The following SPAG16 variants were observed in gnomAD, a reference collection of about 807,000 sequenced individuals.
SPAG16 encodes the protein sperm associated antigen 16.
A neutral mutation model predicts 80.4 loss-of-function variants in SPAG16; 86 were observed. The observed-to-expected ratio is 1.07, with a 90% CI of 0.90 to 1.28. SPAG16 has a LOEUF of 1.28. Ranked by LOEUF, SPAG16 falls within the 50% of genes most tolerant of loss-of-function variation. The pLI is 0.00. For synonymous variants in SPAG16, 294 were observed against 265.9 expected (o/e 1.11, Z -1.03); for missense variants, 870 against 765.3 (o/e 1.14, Z -1.61).
intron 10 of SPAG16, among the ~76,000 whole-genome samples, chr2:213,637,913 C>A (rs981462948): frequency 1.3e-5 from 2 of 152,064 alleles, no homozygotes; most frequent in Admixed American, 6.6e-5. Context: ...CCTGCCACCA[C>A]GCCCAGCTAA....
At chr2:214,148,942 C>A (rs1305625829) in intron 14 of SPAG16, among the ~76,000 whole-genome samples, 198 bp from the exon 15 acceptor site, 1 of 151,468 alleles carries the variant, frequency 6.6e-6, no homozygotes, top group Admixed American at 6.6e-5. Flanking sequence ...AAGTTATTAA[C>A]AACTATTTCT....
Position 214,044,412 on chromosome 2 carries a change from AC to A in SPAG16, c.1527+30339del, listed in dbSNP as rs534725202. Reference sequence around the variant, plus strand: ...ATAGACACTCTCTGAAGTCACGTCCACCCCTGGACAACTTGATAGATGGCTT... The same window carrying A: ...ATAGACACTCTCTGAAGTCACGTCCACCCTGGACAACTTGATAGATGGCTT... On this transcript the variant is annotated intron_variant, in intron 13 of 15. Transcript: ENST00000331683. Among the ~76,000 whole-genome samples the A allele has an allele frequency of 5.3e-5, 8 of 152,266 alleles. No individual in the cohort carries two copies. In the East Asian group the frequency reaches 1.5e-3, roughly 29 times the overall value.
chr2:213,510,275 G>A (rs1199647899), intron 10 of SPAG16, among the ~76,000 whole-genome samples: 1 of 152,116 alleles, frequency 6.6e-6, no homozygotes, highest in African/African-American at 2.4e-5. Context: ...CTCAACCATA[G>A]CAAAAGGACA....
intron 12 of SPAG16, among the ~76,000 whole-genome samples, chr2:214,003,558 T>C (rs1397866348): frequency 1.3e-5 from 2 of 152,174 alleles, no homozygotes; most frequent in Admixed American, 6.5e-5. Context: ...ATTGGGGAAA[T>C]TATAAGTGTT....
At chr2:213,706,799 G>C (rs201170867) in intron 10 of SPAG16, among the ~76,000 whole-genome samples, 1 of 152,152 alleles carries the variant, frequency 6.6e-6, no homozygotes, top group Non-Finnish European at 1.5e-5. Context: ...GTTATGGCTT[G>C]AAGTTTCATG....
intron 12 of SPAG16, among the ~76,000 whole-genome samples, chr2:213,990,178 T>C (rs2046207579): frequency 6.6e-6 from 1 of 152,110 alleles, no homozygotes; most frequent in Non-Finnish European, 1.5e-5. Flanking sequence ...AAATGGCAGA[T>C]TATATAAAAA....
At chr2:214,305,619 T>C (rs1694857829) in intron 15 of SPAG16, among the ~76,000 whole-genome samples, 1 of 152,234 alleles carries the variant, frequency 6.6e-6, no homozygotes. Flanking sequence ...GCACCATTTA[T>C]TGAATAGGAA....
intron 9 of SPAG16, among the ~76,000 whole-genome samples, chr2:213,468,762 A>G (rs867310720): frequency 6.6e-6 from 1 of 150,424 alleles, no homozygotes; most frequent in African/African-American, 2.4e-5. Flanking sequence ...ATATATATAT[A>G]TGGGAATTTA....
chr2:213,584,352 A>C (rs917183859), intron 10 of SPAG16, among the ~76,000 whole-genome samples: 2 of 152,138 alleles, frequency 1.3e-5, no homozygotes, highest in Non-Finnish European at 2.9e-5. Flanking sequence ...CTGCAGTGGA[A>C]ATATATGATG....
At chr2:214,283,571 G>C (rs1040810292) in intron 15 of SPAG16, among the ~76,000 whole-genome samples, 1 of 151,988 alleles carries the variant, frequency 6.6e-6, no homozygotes, top group African/African-American at 2.4e-5. Context: ...GAAACACTCT[G>C]GAGATAATAC....
intron 15 of SPAG16, among the ~76,000 whole-genome samples, chr2:214,396,426 A>G (rs975982252): frequency 1.3e-5 from 2 of 152,146 alleles, no homozygotes; most frequent in Non-Finnish European, 2.9e-5. Flanking sequence ...TTTGAGTTCT[A>G]TGTATAAGAA....
At chr2:213,951,646 A>T (rs2079785681) in intron 12 of SPAG16, among the ~76,000 whole-genome samples, 1 of 152,204 alleles carries the variant, frequency 6.6e-6, no homozygotes, top group Admixed American at 6.6e-5. Flanking sequence ...GTTTACAAGG[A>T]TAAACAAAAT....
chr2:214,174,670 T>C (rs72941980), intron 15 of SPAG16, among the ~76,000 whole-genome samples: 10,925 of 151,730 alleles, frequency 0.072, 738 homozygotes, highest in East Asian at 0.24. Context: ...ATCAATCCAA[T>C]GTGAGAAGGA....
rs182570342 is a variant in SPAG16 at position 213,945,328 on chromosome 2, T to C, written c.1400+15183T>C. Among the ~76,000 whole-genome samples the C allele has an allele frequency of 2.0e-5, 3 of 146,574 alleles. No individual in the cohort carries two copies. In the East Asian group the frequency reaches 6.0e-4, roughly 29 times the overall value. ...AAGTATATATATGTGTGTGTTTGTG[T>C]ATATATAGTATATATATATGTGGGA... On this transcript the variant is annotated intron_variant, in intron 12 of 15. Transcript: ENST00000331683.
intron 14 of SPAG16, among the ~76,000 whole-genome samples, chr2:214,140,979 T>G (rs988496118): frequency 1.3e-4 from 19 of 146,614 alleles, no homozygotes; most frequent in East Asian, 2.1e-4. Context: ...GAGAGAGAGA[T>G]ATATATTTCT....
At chr2:214,228,740 T>C (rs1316431018) in intron 15 of SPAG16, among the ~76,000 whole-genome samples, 2 of 151,900 alleles carry the variant, frequency 1.3e-5, no homozygotes, top group African/African-American at 4.8e-5. Context: ...CCTATTGAGC[T>C]TTTATCTCTT....
At chr2:214,380,496 A>G (rs1339694574) in intron 15 of SPAG16, among the ~76,000 whole-genome samples, 1 of 152,220 alleles carries the variant, frequency 6.6e-6, no homozygotes, top group African/African-American at 2.4e-5. Flanking sequence ...GAGCAACAGA[A>G]TGGGACCCAA....
At chr2:213,661,047 C>G (rs1021898273) in intron 10 of SPAG16, among the ~76,000 whole-genome samples, 11 of 152,164 alleles carry the variant, frequency 7.2e-5, no homozygotes, top group African/African-American at 2.7e-4. Context: ...CCCCCACTGC[C>G]TGGTGTTGGG....
In SPAG16 at chr2:214,410,187, G is replaced by T. The variant is rs1363536916; in HGVS notation, c.1768G>T (p.Asp590Tyr). The T allele has an allele frequency of 4.3e-6, 7 of 1,613,766 alleles. No homozygotes were observed. Among genetic ancestry groups the T allele is most frequent in the Non-Finnish European group, 5.9e-6 (7 of 1,179,676 alleles). The change falls in exon 16 of 16, where the codon GAT becomes TAT. Residue 590 changes from aspartate (D) to tyrosine (Y), a missense_variant. Coordinates refer to ENST00000331683, the MANE Select transcript of SPAG16 (RefSeq NM_024532.5). ...ASGNGVIHLL[D>Y]LKSGEIHKLM... ...TGGCAATGGTGTTATCCATTTGCTAGATCTTAAATCTGGGGAGATTCACAA... is the reference window on the plus strand; with the variant it reads ...TGGCAATGGTGTTATCCATTTGCTATATCTTAAATCTGGGGAGATTCACAA...
Sources: allele counts gnomAD v4.1 joint callset (sites outside exome capture counted in the v4.1 genomes callset), GRCh38; gene constraint gnomAD v4.1.1; transcripts MANE v1.5; gene names NCBI Gene and HGNC (gene_info 2026-07-23, HGNC 2026-07-21).